Variants in CCDC14 observed in about 807,000 individuals in gnomAD.
CCDC14 encodes the protein coiled-coil domain-containing protein 14.
In CCDC14, 71 loss-of-function variants were observed where a neutral mutation model predicts 81.4. The ratio of observed to expected loss-of-function variants is 0.87; its 90% CI spans 0.72 to 1.06. The LOEUF (loss-of-function observed/expected upper bound fraction) is 1.06. CCDC14 is among the 50% of genes least tolerant of loss of function. The pLI is 0.00. For missense variants in CCDC14, 1,046 were observed against 1,047.3 expected (o/e 1.00, Z 0.02); for synonymous variants, 332 against 364.8 (o/e 0.91, Z 1.03).
At chr3:123,916,462 ATGTGTTTGTGTGTGTGTGTG>A (rs2034698486) in intron 12 of CCDC14, among the ~76,000 whole-genome samples, 1 of 81,960 alleles carries the variant, frequency 1.2e-5, no homozygotes, top group Admixed American at 1.9e-4. Flanking sequence ...TTCATTATAT[ATGTGTTTGTGTGTGTGTGTG>A]TGTGTGTGTG....
intron 12 of CCDC14, 22 bp from the exon 13 acceptor site, chr3:123,915,740 A>G (rs770405716): frequency 6.6e-7 from 1 of 1,505,262 alleles, no homozygotes; most frequent in Admixed American, 2.1e-5. Flanking sequence ...AATCCAGAAC[A>G]CTAATTATTA....
chr3:123,953,481 C>T (rs146020731), intron 5 of CCDC14: 1 of 152,354 alleles, frequency 6.6e-6, no homozygotes, highest in African/African-American at 2.4e-5. Flanking sequence ...TGCTGATGCA[C>T]ATACTGCTTC....
At chr3:123,951,282 T>G (rs2037004038) in intron 5 of CCDC14, among the ~76,000 whole-genome samples, 1 of 152,170 alleles carries the variant, frequency 6.6e-6, no homozygotes, top group African/African-American at 2.4e-5. Context: ...ATAGCTGCAC[T>G]CTTACAATAG....
chr3:123,886,544 C>T, the CCDC14 span, among the ~76,000 whole-genome samples: 9 of 152,116 alleles, frequency 5.9e-5, no homozygotes, highest in South Asian at 1.5e-3. Flanking sequence ...ATTATAGGCA[C>T]GTGCCACCAC....
At position 123,915,270 on chromosome 3, in the gene CCDC14, AT is replaced by A. The variant is rs1386932132; in HGVS notation, c.2226del (p.Lys742AsnfsTer14). On this transcript the variant is annotated frameshift_variant, in exon 13 of 13. Transcript: ENST00000409697. LOFTEE classifies it low-confidence loss of function (END_TRUNC). The stretch of plus-strand genomic sequence containing the variant: ...GGGGATAGTCTCTTAGAAAGTGGTG[AT>A]TTCTTTTCAGGAGTGCTTCTAGCAA... ...IPFARSTPEK[K>X]SPLSKRLSPQ... The A allele has an allele frequency of 6.2e-7, 1 of 1,613,892 alleles. No individual in the cohort carries two copies.
At chr3:123,949,360 A>G in intron 5 of CCDC14, 1 of 483,260 alleles carries the variant, frequency 2.1e-6, no homozygotes, top group South Asian at 3.6e-5. Flanking sequence ...ATTCTTTACA[A>G]TTCCCATTTT....
In CCDC14 at chr3:123,915,204, T is replaced by G. The variant is rs758360128; in HGVS notation, c.2293A>C (p.Asn765His). The change falls in exon 13 of 13, where the codon AAC (asparagine) becomes CAC (histidine). Residue 765 changes from asparagine (N) to histidine (H), a missense_variant. By Grantham distance (68) the Asn-to-His change is moderately conservative. Transcript: ENST00000409697. ...IRAATTQLVS[N>H]SGLAVSGKEN... ...TTTCCAGAGACAGCAAGTCCGCTGT[T>G]GCTGACTAGCTGTGTTGTAGCTGCT... 8.7e-6 allele frequency: 14 copies of G among 1,613,516 alleles called. No homozygotes were observed. The highest frequency in any genetic ancestry group is 1.2e-5 in the Non-Finnish European group (14 of 1,179,612).
intron 9 of CCDC14, among the ~76,000 whole-genome samples, chr3:123,944,085 C>A (rs2036501806): frequency 6.6e-6 from 1 of 152,080 alleles, no homozygotes; most frequent in Admixed American, 6.6e-5. Flanking sequence ...CCTGTGGGAT[C>A]TGATACCATT....
chr3:123,949,053 G>C lies in CCDC14; in HGVS notation c.432C>G (p.Asn144Lys). 1 of 1,613,482 alleles carries C rather than the reference G, an allele frequency of 6.2e-7. No homozygotes were observed. The highest frequency in any genetic ancestry group is 8.5e-7 in the Non-Finnish European group (1 of 1,179,636). ...SERDTSDLEQ[N>K]WSLQDHYRMY... is the part of the protein sequence containing the mutation. The stretch of plus-strand genomic sequence containing the variant: ...TTCTATAATGATCTTGCAATGACCA[G>C]TTTTGCTCTAGGTCTGATGTGTCTC... Residue 144 changes from asparagine to lysine, a missense_variant, in exon 6 of 13, where the codon AAC becomes AAG. Transcript: ENST00000409697.
chr3:123,897,858 G>A, intron 5 of CCDC14, among the ~76,000 whole-genome samples: 1 of 152,180 alleles, frequency 6.6e-6, no homozygotes, highest in Non-Finnish European at 1.5e-5. Flanking sequence ...CAAAGGCCAT[G>A]TTTACAGACA....
rs183830129 is a variant in CCDC14 at position 123,951,503 on chromosome 3, G to A, written c.353-2371C>T. On this transcript the variant is annotated intron_variant, in intron 5 of 12. Transcript: ENST00000409697. ...TTTATAATAAATCAAATGGAAAAGT[G>A]CCCTCTAAAATATTTTAACTTTGAA... 2.6e-5 allele frequency among the ~76,000 whole-genome samples: 4 copies of A among 152,294 alleles called. No homozygotes were observed. In the East Asian group the frequency reaches 7.7e-4, roughly 29 times the overall value.
chr3:123,955,119 T>C (rs2037245130), intron 5 of CCDC14: 1 of 152,166 alleles, frequency 6.6e-6, no homozygotes, highest in Non-Finnish European at 1.5e-5. Flanking sequence ...CTAAACTTCA[T>C]TCCTTGCCCA....
In CCDC14 at chr3:123,914,059, AT is replaced by A; in HGVS notation, c.*719del. 1.0e-6 allele frequency: 1 copy of A among 985,046 alleles called. No homozygotes were observed. Among genetic ancestry groups the A allele is most frequent in the Non-Finnish European group, 1.2e-6 (1 of 829,226 alleles). 61.0% of individuals were successfully genotyped at this position (985,046 alleles called of 1,614,324 possible). A position where few individuals can be genotyped will look rare whatever the true frequency, so the allele number is the denominator to read the frequency against. On this transcript the variant is annotated 3_prime_UTR_variant, in exon 13 of 13. Coordinates refer to ENST00000409697, the MANE Select transcript of CCDC14 (RefSeq NM_001366335.1). ...ATAAGGACAAAAATAAACATTTCTT[AT>A]TTAAAAAAAACCCACAAATTTCCCC... is the stretch of plus-strand genomic sequence containing the variant.
chr3:123,945,052 T>A (rs1207085033), intron 8 of CCDC14, 62 bp from the exon 9 acceptor site: 1 of 1,105,214 alleles, frequency 9.0e-7, no homozygotes, highest in South Asian at 2.3e-5. Context: ...ATTATTAGTA[T>A]GTATTACTAA....
chr3:123,960,124 A>AG (rs1329331648), intron 1 of CCDC14, among the ~76,000 whole-genome samples: 1 of 152,224 alleles, frequency 6.6e-6, no homozygotes, highest in Non-Finnish European at 1.5e-5. Context: ...CAGGAGAATC[A>AG]GTTTGCTTTA....
chr3:123,949,389 G>T (rs2036873885), intron 5 of CCDC14: 1 of 437,500 alleles, frequency 2.3e-6, no homozygotes, highest in South Asian at 3.5e-5. Flanking sequence ...CTTGCCATTT[G>T]TAAAATCTCT....
chr3:123,960,841 G>C (rs1423760006), intron 1 of CCDC14, among the ~76,000 whole-genome samples: 1 of 152,162 alleles, frequency 6.6e-6, no homozygotes, highest in Non-Finnish European at 1.5e-5. Flanking sequence ...ATCTGCAGGT[G>C]ACTGAAGCTA....
chr3:123,935,227 C>T (rs547213315), intron 9 of CCDC14, among the ~76,000 whole-genome samples: 1 of 151,232 alleles, frequency 6.6e-6, no homozygotes, highest in East Asian at 1.9e-4. Context: ...AAAGAAGGTA[C>T]TTTTTGGCCA....
intron 8 of CCDC14, 54 bp downstream of exon 8, chr3:123,946,749 G>A: frequency 6.2e-6 from 9 of 1,445,406 alleles, no homozygotes; most frequent in Non-Finnish European, 8.5e-6. Flanking sequence ...TAAATAACAT[G>A]ACATTGCTAT....
Sources: allele counts gnomAD v4.1 joint callset (sites outside exome capture counted in the v4.1 genomes callset), GRCh38; gene constraint gnomAD v4.1.1; transcripts MANE v1.5; gene names NCBI Gene and HGNC (gene_info 2026-07-23, HGNC 2026-07-21).